The following UBR4 variants were observed in gnomAD, a reference collection of about 807,000 sequenced individuals.
The protein encoded by UBR4 is ubiquitin protein ligase E3 component n-recognin 4.
Under a neutral mutation model 575.6 loss-of-function variants are expected in UBR4, and 124 were observed. That is an observed-to-expected ratio of 0.22 (90% confidence interval 0.19 to 0.25). UBR4 has a LOEUF of 0.25. Ranked by LOEUF, UBR4 falls within the 10% of genes least tolerant of loss-of-function variation. The pLI is 1.00. For missense variants in UBR4, 4,818 were observed against 6,478.8 expected (o/e 0.74, Z 8.80); for synonymous variants, 2,455 against 2,473.7 (o/e 0.99, Z 0.22).
chr1:19,103,513 C>T (rs1413524328), intron 87 of UBR4, among the ~76,000 whole-genome samples: 2 of 152,008 alleles, frequency 1.3e-5, no homozygotes, highest in Admixed American at 6.6e-5. Context: ...TGCGGTGAGC[C>T]AAGATCGCGT....
chr1:19,140,779 G>T lies in UBR4; in HGVS notation c.8593+9C>A. Reference sequence around the variant, plus strand: ...GCCCTGAGCCGTGCTCCTTGCTGTGGACAGTTACCTGATGCTGTGGTGTCA... The same window carrying T: ...GCCCTGAGCCGTGCTCCTTGCTGTGTACAGTTACCTGATGCTGTGGTGTCA... On this transcript the variant is annotated intron_variant, in intron 58 of 105. Transcript: ENST00000375254. 1.2e-6 allele frequency: 2 copies of T among 1,611,836 alleles called. No homozygotes were observed. The highest frequency in any genetic ancestry group is 1.7e-6 in the Non-Finnish European group (2 of 1,179,490).
In UBR4 at chr1:19,161,744, G is replaced by C; in HGVS notation, c.5028-8C>G. Reference sequence around the variant, plus strand: ...CAGGTGTGACAGTGGTACCTACAAAGAACAAGAACCAGCAAATAAGCTCAG... The same window carrying C: ...CAGGTGTGACAGTGGTACCTACAAACAACAAGAACCAGCAAATAAGCTCAG... On this transcript the variant is annotated splice_region_variant and splice_polypyrimidine_tract_variant and intron_variant, in intron 36 of 105. Coordinates refer to ENST00000375254, the MANE Select transcript of UBR4 (RefSeq NM_020765.3). 1 of 1,613,296 alleles carries C rather than the reference G, an allele frequency of 6.2e-7. No individual in the cohort carries two copies. The highest frequency in any genetic ancestry group is 8.5e-7 in the Non-Finnish European group (1 of 1,179,412).
chr1:19,180,433 C>A (rs1157008602), intron 17 of UBR4, among the ~76,000 whole-genome samples: 1 of 151,756 alleles, frequency 6.6e-6, no homozygotes. Context: ...AGGTGATCTA[C>A]CCACCTCCCA....
chr1:19,192,911 T>C (rs1231920622), intron 9 of UBR4, among the ~76,000 whole-genome samples: 2 of 151,778 alleles, frequency 1.3e-5, no homozygotes, highest in African/African-American at 4.8e-5. Context: ...GCCTCCAGAG[T>C]AGCGGGGATT....
In UBR4 at chr1:19,126,493, A is replaced by G; in HGVS notation, c.9391T>C (p.Ser3131Pro). The stretch of plus-strand genomic sequence containing the variant: ...AATGGGCTCATGTCAGGTGGGGAGG[A>G]GGTAGTATGTGGTTTCAGCAACTGG... Reference protein sequence around the residue: ...TSQLLKPHTTSSPPDMSPFFL... With the variant: ...TSQLLKPHTTPSPPDMSPFFL... The change falls in exon 64 of 106, where the codon TCC becomes CCC. Residue 3131 changes from serine to proline, a missense_variant. By Grantham distance (74) the Ser-to-Pro change is moderately conservative. This residue lies in a region of UBR4 where 550 missense variants were observed against 791.5 expected (regional missense o/e 0.69). Transcript: ENST00000375254. The G allele has an allele frequency of 1.2e-6, 2 of 1,614,018 alleles. No individual in the cohort carries two copies. Among genetic ancestry groups the G allele is most frequent in the Non-Finnish European group, 1.7e-6 (2 of 1,179,990 alleles).
In UBR4 at chr1:19,192,550, A is replaced by G. The variant is rs1424757726; in HGVS notation, c.1144-10T>C. On this transcript the variant is annotated splice_polypyrimidine_tract_variant and intron_variant, in intron 9 of 105. Transcript: ENST00000375254. Reference sequence around the variant, plus strand: ...TGTCATAGATTTCGAGCTGTACAATATCAAACAGACACAAAAATCTGAACA... The same window carrying G: ...TGTCATAGATTTCGAGCTGTACAATGTCAAACAGACACAAAAATCTGAACA... 8 of 1,613,996 alleles carry G rather than the reference A, an allele frequency of 5.0e-6. No homozygotes were observed. Among genetic ancestry groups the G allele is most frequent in the Non-Finnish European group, 5.9e-6 (7 of 1,180,016 alleles).
chr1:19,150,657 A>G lies in UBR4; in HGVS notation c.7350T>C (p.Pro2450=). 6.2e-7 allele frequency: 1 copy of G among 1,614,116 alleles called. No individual in the cohort carries two copies. The highest frequency in any genetic ancestry group is 8.5e-7 in the Non-Finnish European group (1 of 1,180,014). Residue 2450 remains proline, a synonymous_variant, in exon 49 of 106, where the codon CCT becomes CCC. Transcript: ENST00000375254. ...FPSASVSNIC[P]SNLNQSNGTG... is the part of the protein sequence containing the mutation. ...TGCCGTTGCTCTGGTTCAGATTTGA[A>G]GGGCAGATGTTGCTGACAGAGGCAG... is the stretch of plus-strand genomic sequence containing the variant.
chr1:19,159,220 C>T (rs905883509), intron 39 of UBR4, among the ~76,000 whole-genome samples: 17 of 152,124 alleles, frequency 1.1e-4, no homozygotes, highest in African/African-American at 3.9e-4. Flanking sequence ...TTTTTGGAAT[C>T]GCCACCACTT....
At chr1:19,122,042 G>GT in intron 66 of UBR4, 30 bp from the exon 67 acceptor site, 2 of 1,611,494 alleles carry the variant, frequency 1.2e-6, no homozygotes, top group Non-Finnish European at 1.7e-6. Context: ...CGGGAAAGGA[G>GT]TAACTCCACC....
chr1:19,143,259 G>GAAAGAAAGAAAGA (rs1553178235), intron 55 of UBR4, among the ~76,000 whole-genome samples: 1 of 91,566 alleles, frequency 1.1e-5, no homozygotes, highest in Non-Finnish European at 2.3e-5. Context: ...AGGAAGGAAG[G>GAAAGAAAGAAAGA]AAGAAAGAAA....
At chr1:19,190,312 A>AAAAAAAAAAAAATATATATAT in intron 11 of UBR4, among the ~76,000 whole-genome samples, 12 of 79,896 alleles carry the variant, frequency 1.5e-4, no homozygotes, top group South Asian at 8.3e-4. Flanking sequence ...AAAAAAAAAA[A>AAAAAAAAAAAAATATATATAT]ATATATATAT....
At chr1:19,118,184 C>A in intron 71 of UBR4, 1 of 356,590 alleles carries the variant, frequency 2.8e-6, no homozygotes, top group Non-Finnish European at 5.1e-6. Context: ...ACTCAAGAGT[C>A]ACAATTAAAT....
At chr1:19,160,310 G>GAAA in intron 38 of UBR4, 29 bp from the exon 39 acceptor site, 21 of 1,113,080 alleles carry the variant, frequency 1.9e-5, no homozygotes, top group South Asian at 8.9e-5. Flanking sequence ...ATACACCAGT[G>GAAA]AAAAAAAAAA....
intron 93 of UBR4, among the ~76,000 whole-genome samples, 190 bp from the exon 94 acceptor site, chr1:19,095,215 C>A (rs2077912812): frequency 6.6e-6 from 1 of 152,216 alleles, no homozygotes; most frequent in Admixed American, 6.5e-5. Flanking sequence ...TGATGACAGG[C>A]AGCTTTGCTG....
rs146021240 is a variant in UBR4 at position 19,105,822 on chromosome 1, C to A, written c.12414G>T (p.Thr4138=). Reference sequence around the variant, plus strand: ...TACAGGCTGCCTGCCGTGCGGCCTGCGTTGCTGGAGTGAAAAGCACCTGCA... The same window carrying A: ...TACAGGCTGCCTGCCGTGCGGCCTGAGTTGCTGGAGTGAAAAGCACCTGCA... The part of the protein sequence containing the change: ...WLRQVLFTPA[T]QAARQAACTI... Residue 4138 remains threonine (T), a synonymous_variant, in exon 84 of 106, where the codon ACG becomes ACT. Transcript: ENST00000375254. 8.1e-6 allele frequency: 13 copies of A among 1,603,630 alleles called. No homozygotes were observed. Among genetic ancestry groups the A allele is most frequent in the Non-Finnish European group, 9.3e-6 (11 of 1,176,676 alleles).
intron 35 of UBR4, among the ~76,000 whole-genome samples, chr1:19,162,154 A>G (rs1286861873): frequency 6.6e-6 from 1 of 152,204 alleles, no homozygotes; most frequent in Non-Finnish European, 1.5e-5. Context: ...CCCCCCATGA[A>G]GAACTTATCC....
At chr1:19,113,639 G>A in intron 77 of UBR4, 60 bp downstream of exon 77, 1 of 1,600,408 alleles carries the variant, frequency 6.2e-7, no homozygotes. Context: ...GGACTGCTGT[G>A]AAAACAACAC....
At chr1:19,111,145 C>T (rs1037215069) in intron 78 of UBR4, among the ~76,000 whole-genome samples, 5 of 152,224 alleles carry the variant, frequency 3.3e-5, no homozygotes, top group Non-Finnish European at 7.3e-5. Flanking sequence ...AAAACCTAGA[C>T]GTCCACTCTC....
chr1:19,167,460 GAA>G (rs1447985130), intron 28 of UBR4, among the ~76,000 whole-genome samples: 1 of 152,016 alleles, frequency 6.6e-6, no homozygotes, highest in Non-Finnish European at 1.5e-5. Flanking sequence ...ATTTTCATTT[GAA>G]AAATCCATTT....
Sources: gnomAD v4.1 joint callset for allele counts (sites outside exome capture counted in the v4.1 genomes callset) on GRCh38, gnomAD v4.1.1 for gene constraint, gnomAD v4.1.1 regional missense constraint, MANE v1.5 for transcripts, NCBI Gene and HGNC (gene_info 2026-07-23, HGNC 2026-07-21) for gene names.